Variants in IMPG1 observed in about 807,000 individuals in gnomAD.
IMPG1 encodes interphotoreceptor matrix proteoglycan of 150 kDa.
IMPG1 carries 85 observed loss-of-function variants against 92.0 expected under a neutral mutation model. The ratio of observed to expected loss-of-function variants is 0.92; its 90% CI spans 0.78 to 1.11. The LOEUF is 1.11. Ranked by LOEUF, IMPG1 falls within the 50% of genes least tolerant of loss-of-function variation. The pLI, the probability that IMPG1 is intolerant of heterozygous loss-of-function variation, is 0.00. For missense variants in IMPG1, 1,022 were observed against 956.0 expected, an observed-to-expected ratio of 1.07 and a Z score of -0.91; for synonymous variants, 367 against 334.1, an observed-to-expected ratio of 1.10 and a Z score of -1.08.
chr6:76,063,771 C>T (rs1784250658), intron 1 of IMPG1, among the ~76,000 whole-genome samples: 1 of 152,196 alleles, frequency 6.6e-6, no homozygotes, highest in South Asian at 2.1e-4. Flanking sequence ...CTGGGTGACT[C>T]CAAGAGAGCT....
At chr6:75,986,679 A>G (rs1233402835) in intron 12 of IMPG1, among the ~76,000 whole-genome samples, 2 of 152,232 alleles carry the variant, frequency 1.3e-5, no homozygotes, top group Non-Finnish European at 2.9e-5. Context: ...CATAAACTGC[A>G]TAAAGTGTCA....
intron 1 of IMPG1, among the ~76,000 whole-genome samples, chr6:76,068,226 T>G (rs187535301): frequency 5.9e-5 from 9 of 152,226 alleles, no homozygotes; most frequent in East Asian, 5.8e-4. Context: ...TATTCCAAAT[T>G]GGAAAAGAAG....
At chr6:76,037,259 A>G (rs1013913810) in intron 2 of IMPG1, among the ~76,000 whole-genome samples, 1 of 152,212 alleles carries the variant, frequency 6.6e-6, no homozygotes, top group Admixed American at 6.5e-5. Flanking sequence ...AGAAAATTCC[A>G]GATCAACAGA....
At chr6:75,997,145 G>C (rs939567869) in intron 12 of IMPG1, among the ~76,000 whole-genome samples, 6 of 152,158 alleles carry the variant, frequency 3.9e-5, no homozygotes, top group African/African-American at 1.4e-4. Context: ...TGTATCTAGG[G>C]ATGAGGTGAA....
intron 1 of IMPG1, among the ~76,000 whole-genome samples, chr6:76,049,238 G>A (rs1021680286): frequency 6.6e-6 from 1 of 152,016 alleles, no homozygotes; most frequent in Non-Finnish European, 1.5e-5. Flanking sequence ...AATAACTATA[G>A]GATACTAGAC....
At chr6:76,024,377 T>A (rs989341810) in intron 5 of IMPG1, among the ~76,000 whole-genome samples, 1 of 136,886 alleles carries the variant, frequency 7.3e-6, no homozygotes, top group East Asian at 2.1e-4. Context: ...AGTTTTATTG[T>A]GTATATTTAA....
At chr6:76,035,628 G>C (rs192353087) in intron 2 of IMPG1, among the ~76,000 whole-genome samples, 1 of 151,984 alleles carries the variant, frequency 6.6e-6, no homozygotes, top group Non-Finnish European at 1.5e-5. Flanking sequence ...CTTTCCAAGT[G>C]ATGAGCAGGC....
rs576574226 is a variant in IMPG1 at position 76,066,755 on chromosome 6, C to T, written c.67+5667G>A. ...TAACAACTGCAGAATATACATTCTT[C>T]TCATTAGTGCATGGAACATTTTCCA... On this transcript the variant is annotated intron_variant, in intron 1 of 16. Coordinates refer to ENST00000369950, the MANE Select transcript of IMPG1 (RefSeq NM_001563.4). 1.1e-3 allele frequency among the ~76,000 whole-genome samples: 160 copies of T among 152,176 alleles called. 1 individual carries two copies. Among genetic ancestry groups the T allele is most frequent in the African/African-American group, 3.3e-3 (137 of 41,550 alleles).
rs574451270 is a variant in IMPG1, at chr6:76,026,031, T to A, written c.498-773A>T. 3.3e-5 allele frequency among the ~76,000 whole-genome samples: 5 copies of A among 152,270 alleles called. No homozygotes were observed. The East Asian group carries it at 9.7e-4, about 29-fold the overall frequency. On this transcript the variant is annotated intron_variant, in intron 4 of 16. Coordinates refer to ENST00000369950, the MANE Select transcript of IMPG1 (RefSeq NM_001563.4). ...CTTGGGAAGTTTGTGCAGTTTGCAG[T>A]GGGGAGGAGCCTGGCCCCTCCTCTT...
chr6:75,974,375 C>CTT (rs1410206252), intron 12 of IMPG1, among the ~76,000 whole-genome samples: 2 of 83,444 alleles, frequency 2.4e-5, no homozygotes, highest in Admixed American at 1.4e-4. Context: ...TTCTTTCTTT[C>CTT]TTTCTTTCTT....
chr6:76,000,104 G>A (rs1782963473), intron 12 of IMPG1, among the ~76,000 whole-genome samples: 1 of 152,214 alleles, frequency 6.6e-6, no homozygotes, highest in African/African-American at 2.4e-5. Flanking sequence ...CATGCTGTAA[G>A]CATGCAGATC....
intron 12 of IMPG1, among the ~76,000 whole-genome samples, chr6:75,954,000 T>A (rs1782077705): frequency 6.6e-6 from 1 of 152,256 alleles, no homozygotes; most frequent in African/African-American, 2.4e-5. Context: ...ATTTTATTTA[T>A]CCAGTCTATC....
intron 13 of IMPG1, among the ~76,000 whole-genome samples, chr6:75,949,779 C>A (rs913388329): frequency 4.1e-4 from 63 of 152,180 alleles, no homozygotes; most frequent in African/African-American, 1.5e-3. Context: ...TACTTTAAAG[C>A]AAATGTTCAC....
intron 12 of IMPG1, among the ~76,000 whole-genome samples, chr6:75,995,640 T>C (rs1389436357): frequency 6.6e-6 from 1 of 152,240 alleles, no homozygotes; most frequent in Non-Finnish European, 1.5e-5. Context: ...TATTTGTAAA[T>C]TGTGTTACAT....
In IMPG1 at chr6:76,025,269, A is replaced by G. The variant is rs778586476; in HGVS notation, c.498-11T>C. ...GATATTTCATCTTTTCTATTAGTAC[A>G]ATAGAAAAGAAGGAAGAGGTGGTGA... On this transcript the variant is annotated splice_polypyrimidine_tract_variant and intron_variant, in intron 4 of 16. Transcript: ENST00000369950. 5 of 1,504,120 alleles carry G rather than the reference A, an allele frequency of 3.3e-6. No homozygotes were observed. The highest frequency in any genetic ancestry group is 1.8e-5 in the Admixed American group (1 of 56,808). 93.2% of individuals were successfully genotyped at this position (1,504,120 alleles called of 1,614,324 possible).
chr6:75,973,859 C>A (rs1314057653), intron 12 of IMPG1, among the ~76,000 whole-genome samples: 3 of 152,230 alleles, frequency 2.0e-5, no homozygotes, highest in African/African-American at 7.2e-5. Flanking sequence ...GGAGACCTAA[C>A]AACTCTCATT....
intron 3 of IMPG1, 50 bp from the exon 4 acceptor site, chr6:76,034,393 C>G: frequency 6.5e-7 from 1 of 1,533,706 alleles, no homozygotes; most frequent in Non-Finnish European, 9.0e-7. Context: ...ATAATGCCAA[C>G]CGAAGAGTTA....
intron 15 of IMPG1, among the ~76,000 whole-genome samples, chr6:75,929,588 TA>T (rs1781628054): frequency 6.7e-6 from 1 of 149,404 alleles, no homozygotes; most frequent in Admixed American, 6.7e-5. Flanking sequence ...TTAGGAGATA[TA>T]CCTAATGCTA....
Position 75,921,735 on chromosome 6 carries a change from C to A in IMPG1, c.*354G>T. The A allele has an allele frequency of 4.4e-6, 1 of 229,230 alleles. No individual in the cohort carries two copies. Among genetic ancestry groups the A allele is most frequent in the Non-Finnish European group, 8.6e-6 (1 of 116,886 alleles). 14.2% of individuals were successfully genotyped at this position (229,230 alleles called of 1,614,324 possible). ...TTTGCTTCCCAATAAATTGTTCAGT[C>A]CCTAAACAATAAGTAAGCTATGCTT... On this transcript the variant is annotated 3_prime_UTR_variant, in exon 17 of 17. Coordinates refer to ENST00000369950, the MANE Select transcript of IMPG1 (RefSeq NM_001563.4).
Sources: allele counts gnomAD v4.1 joint callset (sites outside exome capture counted in the v4.1 genomes callset), GRCh38; gene constraint gnomAD v4.1.1; transcripts MANE v1.5; gene names NCBI Gene and HGNC (gene_info 2026-07-23, HGNC 2026-07-21).